The following CSMD1 variants were observed in gnomAD, a reference collection of about 807,000 sequenced individuals.
The protein encoded by CSMD1 is CUB and Sushi multiple domains 1, also known as CUB and sushi domain-containing protein 1.
Under a neutral mutation model 417.5 loss-of-function variants are expected in CSMD1, and 213 were observed. That is an observed-to-expected ratio of 0.51 (90% CI 0.46 to 0.57). CSMD1 has a LOEUF of 0.57. CSMD1 is among the 20% of genes least tolerant of loss of function. The probability of loss-of-function intolerance (pLI) is 0.00; values close to 1 mark genes in which losing one functional copy is unlikely to be tolerated. For synonymous variants in CSMD1, 2,862 were observed against 1,736.8 expected (o/e 1.65, Z -16.11); for missense variants, 6,923 against 4,529.7 (o/e 1.53, Z -15.17).
At chr8:4,135,135 T>C (rs1346142002) in intron 3 of CSMD1, among the ~76,000 whole-genome samples, 1 of 152,184 alleles carries the variant, frequency 6.6e-6, no homozygotes, top group Non-Finnish European at 1.5e-5. Context: ...GCACACAAAA[T>C]ATTGTCATAT....
chr8:4,331,502 G>A (rs929356143), intron 3 of CSMD1, among the ~76,000 whole-genome samples: 1 of 152,122 alleles, frequency 6.6e-6, no homozygotes, highest in Non-Finnish European at 1.5e-5. Flanking sequence ...ATTCAAACAT[G>A]TTTCAGTGTT....
chr8:4,306,509 C>CGT (rs1798257498), intron 3 of CSMD1, among the ~76,000 whole-genome samples: 3 of 151,862 alleles, frequency 2.0e-5, no homozygotes, highest in African/African-American at 4.8e-5. Flanking sequence ...TCTAGAACCA[C>CGT]TGATATCCAC....
At chr8:3,999,390 C>T (rs900777492) in intron 4 of CSMD1, among the ~76,000 whole-genome samples, 1 of 152,178 alleles carries the variant, frequency 6.6e-6, no homozygotes, top group African/African-American at 2.4e-5. Context: ...AGGAAATGAC[C>T]TCCTTTTATT....
intron 1 of CSMD1, among the ~76,000 whole-genome samples, chr8:4,648,789 G>T (rs928523548): frequency 6.6e-6 from 1 of 152,208 alleles, no homozygotes; most frequent in South Asian, 2.1e-4. Context: ...GACATCAGAT[G>T]CCGGCTGATG....
chr8:4,322,982 C>T (rs1799352373), intron 3 of CSMD1, among the ~76,000 whole-genome samples: 1 of 152,164 alleles, frequency 6.6e-6, no homozygotes, highest in Non-Finnish European at 1.5e-5. Flanking sequence ...GAGACTCCGT[C>T]TCAAAAAACT....
At chr8:4,269,908 G>T (rs930538265) in intron 3 of CSMD1, among the ~76,000 whole-genome samples, 1 of 152,148 alleles carries the variant, frequency 6.6e-6, no homozygotes, top group African/African-American at 2.4e-5. Flanking sequence ...TTCCATTACA[G>T]ATGGAGGAAG....
chr8:3,355,635 G>A (rs1306311215), intron 21 of CSMD1, among the ~76,000 whole-genome samples: 1 of 152,150 alleles, frequency 6.6e-6, no homozygotes, highest in Non-Finnish European at 1.5e-5. Flanking sequence ...GTGATGATAT[G>A]AGATCAGGAA....
chr8:3,192,545 C>T (rs932253146), intron 33 of CSMD1, among the ~76,000 whole-genome samples: 5 of 152,144 alleles, frequency 3.3e-5, no homozygotes, highest in Non-Finnish European at 7.3e-5. Flanking sequence ...ACAAGTTGCC[C>T]TTTAAATAGG....
intron 10 of CSMD1, among the ~76,000 whole-genome samples, chr8:3,523,695 GCACACATGTGCATGCA>G (rs1389409808): frequency 4.2e-5 from 6 of 142,996 alleles, no homozygotes; most frequent in African/African-American, 8.0e-5. Context: ...AGAGACATAT[GCACACATGTGCATGCA>G]CACACATATG....
chr8:4,195,905 G>C (rs1029488454), intron 3 of CSMD1, among the ~76,000 whole-genome samples: 3 of 152,162 alleles, frequency 2.0e-5, no homozygotes, highest in African/African-American at 7.2e-5. Flanking sequence ...CCCACCCCGA[G>C]AAAACTATGA....
chr8:3,832,932 A>C (rs1183293920), intron 5 of CSMD1, among the ~76,000 whole-genome samples: 1 of 152,186 alleles, frequency 6.6e-6, no homozygotes, highest in East Asian at 1.9e-4. Flanking sequence ...TCCTTCAATA[A>C]AATTATTAAA....
intron 3 of CSMD1, among the ~76,000 whole-genome samples, chr8:4,037,370 A>G (rs2130612311): frequency 6.6e-6 from 1 of 152,340 alleles, no homozygotes; most frequent in East Asian, 1.9e-4. Context: ...TGTAACAGCA[A>G]TGGCCATCAG....
At chr8:4,578,581 CCA>C (rs1799252678) in intron 2 of CSMD1, among the ~76,000 whole-genome samples, 1 of 151,216 alleles carries the variant, frequency 6.6e-6, no homozygotes, top group Non-Finnish European at 1.5e-5. Flanking sequence ...TTTTGGGAGG[CCA>C]AGGTGGGCGG....
At chr8:4,261,989 G>C (rs1803920319) in intron 3 of CSMD1, among the ~76,000 whole-genome samples, 2 of 152,106 alleles carry the variant, frequency 1.3e-5, no homozygotes, top group Admixed American at 6.5e-5. Flanking sequence ...CATTTCCTGG[G>C]AATGAGTGAA....
intron 5 of CSMD1, among the ~76,000 whole-genome samples, chr8:3,906,839 G>C (rs1442933284): frequency 2.0e-5 from 3 of 152,066 alleles, no homozygotes; most frequent in Non-Finnish European, 2.9e-5. Flanking sequence ...AAGAAGGACA[G>C]CATTGTCATT....
At chr8:3,731,626 G>C (rs375532221) in intron 6 of CSMD1, among the ~76,000 whole-genome samples, 115 of 152,252 alleles carry the variant, frequency 7.6e-4, no homozygotes, top group African/African-American at 1.7e-3. Flanking sequence ...AAAATGGAAA[G>C]GATGCACTGA....
At chr8:3,235,915 A>ATTTTTTTT (rs1340103129) in intron 26 of CSMD1, among the ~76,000 whole-genome samples, 2 of 74,522 alleles carry the variant, frequency 2.7e-5, no homozygotes, top group Non-Finnish European at 6.0e-5. Flanking sequence ...TGAAGATGTA[A>ATTTTTTTT]GTTTTTTTTT....
chr8:4,308,202 T>C (rs1002590863), intron 3 of CSMD1, among the ~76,000 whole-genome samples: 4 of 152,164 alleles, frequency 2.6e-5, no homozygotes, highest in African/African-American at 9.7e-5. Flanking sequence ...GTGAAGTCAC[T>C]TGAGACTGTG....
intron 6 of CSMD1, among the ~76,000 whole-genome samples, chr8:3,711,925 T>A (rs898144009): frequency 6.6e-6 from 1 of 152,112 alleles, no homozygotes; most frequent in East Asian, 1.9e-4. Context: ...TTACTCAGAA[T>A]CTAAACAGAA....
Sources: allele counts gnomAD v4.1 joint callset (sites outside exome capture counted in the v4.1 genomes callset), GRCh38; gene constraint gnomAD v4.1.1; transcripts MANE v1.5; gene names NCBI Gene and HGNC (gene_info 2026-07-23, HGNC 2026-07-21).